Variants in PSD2 observed in about 807,000 individuals in gnomAD.
PSD2 encodes the protein pleckstrin and Sec7 domain containing 2, also known as PH and SEC7 domain-containing protein 2.
PSD2 carries 38 observed loss-of-function variants against 69.8 expected under a neutral mutation model. The observed-to-expected ratio is 0.54, with a 90% CI of 0.42 to 0.71. PSD2 has a LOEUF of 0.71. Among genes scored for constraint, PSD2 ranks in the 30% least tolerant of loss-of-function variants. The probability of loss-of-function intolerance (pLI) is 0.00; values close to 1 mark genes in which losing one functional copy is unlikely to be tolerated. For missense variants in PSD2, 943 were observed against 1,014.5 expected, an observed-to-expected ratio of 0.93 and a Z score of 0.96; for synonymous variants, 412 against 423.0, an observed-to-expected ratio of 0.97 and a Z score of 0.32.
the PSD2 span, among the ~76,000 whole-genome samples, chr5:139,776,685 T>TTC: frequency 0.19 from 28,794 of 149,774 alleles, 3,050 homozygotes; most frequent in African/African-American, 0.26. Flanking sequence ...TTTTTTTTTT[T>TTC]CCAGATAGGG....
chr5:139,828,914 G>A (rs543823433), intron 7 of PSD2, among the ~76,000 whole-genome samples: 1 of 152,114 alleles, frequency 6.6e-6, no homozygotes, highest in African/African-American at 2.4e-5. Context: ...TTGGGATGGG[G>A]CAGTGGTTGG....
At chr5:139,783,940 GCT>G in the PSD2 span, among the ~76,000 whole-genome samples, 1 of 97,010 alleles carries the variant, frequency 1.0e-5, no homozygotes, top group Non-Finnish European at 2.0e-5. Flanking sequence ...CCTTCTGCTA[GCT>G]CTTTTTTTTT....
chr5:139,770,528 T>G, the PSD2 span, among the ~76,000 whole-genome samples: 1 of 152,250 alleles, frequency 6.6e-6, no homozygotes, highest in South Asian at 2.1e-4. Flanking sequence ...ATCGCGGCAC[T>G]ACACTCCAGC....
chr5:139,756,135 G>A, the PSD2 span, among the ~76,000 whole-genome samples: 4 of 152,200 alleles, frequency 2.6e-5, no homozygotes, highest in African/African-American at 4.8e-5. Context: ...GTGTGCACCG[G>A]CCGCGGTCTG....
At chr5:139,811,711 C>T (rs913872295) in intron 2 of PSD2, among the ~76,000 whole-genome samples, 1 of 152,156 alleles carries the variant, frequency 6.6e-6, no homozygotes, top group South Asian at 2.1e-4. Context: ...TCTTCTGCCT[C>T]AGCCTCCCAA....
At chr5:139,787,232 G>C in the PSD2 span, among the ~76,000 whole-genome samples, 2 of 152,176 alleles carry the variant, frequency 1.3e-5, no homozygotes, top group South Asian at 2.1e-4. Context: ...GGGCATGAAC[G>C]GGGCAAACAA....
the PSD2 span, among the ~76,000 whole-genome samples, chr5:139,763,385 C>T: frequency 1.3e-5 from 2 of 152,202 alleles, no homozygotes; most frequent in Admixed American, 1.3e-4. Flanking sequence ...GGGTGCCCAC[C>T]TTGTCAGGCA....
chr5:139,787,266 G>A, the PSD2 span, among the ~76,000 whole-genome samples: 6 of 152,320 alleles, frequency 3.9e-5, no homozygotes, highest in Admixed American at 6.5e-5. Context: ...TACCATGCCT[G>A]AGCTGCAGGC....
At position 139,814,140 on chromosome 5, in the gene PSD2, G is replaced by T; in HGVS notation, c.822-30G>T. ...GGGCCTTTGACCCTGGGCCTCTGAC[G>T]CTACTCTTCCACCCACCTTCCATCT... is the stretch of plus-strand genomic sequence containing the variant. On this transcript the variant is annotated intron_variant, in intron 3 of 14. Transcript: ENST00000274710. This position sits in a 1 kb window ranked among gnomAD's most constrained non-coding sequence, Gnocchi z 4.4. 1.2e-6 allele frequency: 2 copies of T among 1,605,368 alleles called. No individual in the cohort carries two copies. Among genetic ancestry groups the T allele is most frequent in the Non-Finnish European group, 1.7e-6 (2 of 1,176,530 alleles).
At chr5:139,752,309 C>T in the PSD2 span, among the ~76,000 whole-genome samples, 1 of 152,140 alleles carries the variant, frequency 6.6e-6, no homozygotes, top group Non-Finnish European at 1.5e-5. Flanking sequence ...ATAACTCTCC[C>T]CCTACCATAA....
intron 1 of PSD2, 59 bp from the exon 2 acceptor site, chr5:139,809,332 A>G (rs1459493557): frequency 3.0e-6 from 4 of 1,338,706 alleles, no homozygotes. Flanking sequence ...GCTGGACTTT[A>G]GGTGCCCCCC....
the PSD2 span, among the ~76,000 whole-genome samples, chr5:139,782,681 C>T: frequency 6.6e-6 from 1 of 150,546 alleles, no homozygotes; most frequent in African/African-American, 2.4e-5. Flanking sequence ...TTAGTATAGA[C>T]AGGGTTTCAC....
the PSD2 span, among the ~76,000 whole-genome samples, chr5:139,781,989 C>G: frequency 1.3e-5 from 2 of 152,108 alleles, no homozygotes; most frequent in Non-Finnish European, 2.9e-5. Context: ...ATCATAATTG[C>G]CTGCCTGGAT....
intron 5 of PSD2, 92 bp from the exon 6 acceptor site, chr5:139,821,801 C>G: frequency 1.5e-6 from 1 of 681,984 alleles, no homozygotes; most frequent in Non-Finnish European, 2.6e-6. Context: ...AGCCCTGGCC[C>G]CCTAGAGTGG....
the PSD2 span, among the ~76,000 whole-genome samples, chr5:139,748,671 C>T: frequency 1.3e-5 from 2 of 152,228 alleles, no homozygotes; most frequent in Admixed American, 1.3e-4. Context: ...GGGTGCAGAC[C>T]TCGAAGAGAA....
chr5:139,788,541 C>T, the PSD2 span, among the ~76,000 whole-genome samples: 84,479 of 151,982 alleles, frequency 0.56, 24,052 homozygotes, highest in Admixed American at 0.7. Context: ...AGGGGCTTCT[C>T]CCCCTAACCC....
the PSD2 span, chr5:139,743,936 GT>G: frequency 6.6e-6 from 1 of 152,364 alleles, no homozygotes; most frequent in East Asian, 1.9e-4. Flanking sequence ...CTGATGTCTG[GT>G]CCAAGTTCCA....
chr5:139,764,866 G>T, the PSD2 span, among the ~76,000 whole-genome samples: 1 of 152,188 alleles, frequency 6.6e-6, no homozygotes. Context: ...GTCAGGGCAG[G>T]ATACCCTCAC....
Position 139,839,709 on chromosome 5 carries a change from TG to T in PSD2, c.1969-313del, listed in dbSNP as rs1760824203. On this transcript the variant is annotated intron_variant, in intron 13 of 14. Transcript: ENST00000274710. This position sits in a 1 kb window ranked among gnomAD's most constrained non-coding sequence, Gnocchi z 5.1. Reference sequence around the variant, plus strand: ...GAGTGCATATGAGCTGGGTTTTGTGTGGGGGTCATTGTGTGTCTGTGTCAGG... The same window carrying T: ...GAGTGCATATGAGCTGGGTTTTGTGTGGGGTCATTGTGTGTCTGTGTCAGG... Among the ~76,000 whole-genome samples, 1 of 152,214 alleles carries T rather than the reference TG, an allele frequency of 6.6e-6. No individual in the cohort carries two copies. The highest frequency in any genetic ancestry group is 2.4e-5 in the African/African-American group (1 of 41,456).
Sources: allele counts gnomAD v4.1 joint callset (sites outside exome capture counted in the v4.1 genomes callset), GRCh38; gene constraint gnomAD v4.1.1; non-coding constraint Gnocchi (gnomAD v3.1); transcripts MANE v1.5; gene names NCBI Gene and HGNC (gene_info 2026-07-23, HGNC 2026-07-21).